DCC: variants seen among roughly 807,000 people sequenced by gnomAD.
DCC encodes netrin receptor DCC.
A neutral mutation model predicts 172.5 loss-of-function variants in DCC; 58 were observed. That is an observed-to-expected ratio of 0.34 (90% confidence interval 0.27 to 0.42). The LOEUF (loss-of-function observed/expected upper bound fraction) is 0.42, where lower values mean the gene tolerates loss of function less well. Among genes scored for constraint, DCC ranks in the 10% least tolerant of loss-of-function variants. DCC has a pLI of 1.00. For synonymous variants in DCC, 709 were observed against 644.5 expected (o/e 1.10, Z -1.52); for missense variants, 1,740 against 1,791.0 (o/e 0.97, Z 0.51).
At position 53,295,065 on chromosome 18, in the gene DCC, A is replaced by G. The variant is rs190070620; in HGVS notation, c.1912-10513A>G. 2.2e-4 allele frequency among the ~76,000 whole-genome samples: 34 copies of G among 152,290 alleles called. No individual in the cohort carries two copies. In the East Asian group the frequency reaches 6.6e-3, roughly 29 times the overall value. On this transcript the variant is annotated intron_variant, in intron 12 of 28. Transcript: ENST00000442544. ...AAAATTTTATTTAAAATCAAATATT[A>G]CCCAACGTGTACTTAAACATACTTT... is the stretch of plus-strand genomic sequence containing the variant.
chr18:52,764,884 A>C (rs2037218862), intron 2 of DCC, among the ~76,000 whole-genome samples: 1 of 152,156 alleles, frequency 6.6e-6, no homozygotes, highest in Admixed American at 6.5e-5. Flanking sequence ...CCAAAATAAC[A>C]ATTTTTCAGG....
At chr18:53,020,743 TGTAGG>T (rs1455768953) in intron 5 of DCC, among the ~76,000 whole-genome samples, 1 of 152,174 alleles carries the variant, frequency 6.6e-6, no homozygotes, top group Non-Finnish European at 1.5e-5. Context: ...GTATGAGATC[TGTAGG>T]GTATGGTGGA....
At chr18:53,226,934 G>GTGTGTGTATATATATATATA (rs34949557) in intron 12 of DCC, among the ~76,000 whole-genome samples, 1 of 68,162 alleles carries the variant, frequency 1.5e-5, no homozygotes, top group African/African-American at 6.2e-5. Context: ...GTGTGTGTGT[G>GTGTGTGTATATATATATATA]TATATATATA....
rs1171759224 is a variant in DCC, at chr18:53,435,137, T to C, written c.3164-7T>C. 4.4e-6 allele frequency: 7 copies of C among 1,606,470 alleles called. 1 individual carries two copies. In the Admixed American group the frequency reaches 6.7e-5, roughly 15 times the overall value. On this transcript the variant is annotated splice_polypyrimidine_tract_variant and splice_region_variant and intron_variant, in intron 21 of 28. Coordinates refer to ENST00000442544, the MANE Select transcript of DCC (RefSeq NM_005215.4). ...CTGACATTGTGACATGCTCTCCCAA[T>C]GAACAGGTCGTCATGGAGATGGAGG...
rs1909020164 is a variant in DCC at position 53,397,349 on chromosome 18, C to T, written c.2730C>T (p.Leu910=). The change falls in exon 18 of 29, where the codon CTC becomes CTT. Residue 910 remains leucine, a synonymous_variant. Transcript: ENST00000442544. ...CTCTAAGTTACACAGCAACAGGCCT[C>T]AAACCAAACACAATGTATGAATTCT... The part of the protein sequence containing the change: ...TTSLSYTATG[L]KPNTMYEFSV... 6.2e-7 allele frequency: 1 copy of T among 1,613,622 alleles called. No individual in the cohort carries two copies. The highest frequency in any genetic ancestry group is 8.5e-7 in the Non-Finnish European group (1 of 1,179,858).
intron 15 of DCC, among the ~76,000 whole-genome samples, chr18:53,365,014 A>G (rs546013273): frequency 6.6e-6 from 1 of 152,148 alleles, no homozygotes; most frequent in East Asian, 1.9e-4. Context: ...AAAAAGCAGC[A>G]AACTGCGCCC....
chr18:53,150,275 T>C (rs1408518345), intron 7 of DCC, among the ~76,000 whole-genome samples: 1 of 152,226 alleles, frequency 6.6e-6, no homozygotes, highest in Non-Finnish European at 1.5e-5. Context: ...TTGGCAGTAA[T>C]GCTCAGTCTT....
intron 7 of DCC, among the ~76,000 whole-genome samples, chr18:53,077,531 T>A (rs778941476): frequency 2.0e-5 from 3 of 152,316 alleles, no homozygotes; most frequent in Admixed American, 2.0e-4. Context: ...CCCCATGAAC[T>A]GATGATGGTC....
intron 5 of DCC, among the ~76,000 whole-genome samples, chr18:52,968,043 T>C (rs1185707732): frequency 6.6e-6 from 1 of 152,196 alleles, no homozygotes; most frequent in Non-Finnish European, 1.5e-5. Flanking sequence ...AATAAAGGGA[T>C]CTTGGAAAGG....
At chr18:52,599,428 A>G (rs547270560) in intron 1 of DCC, among the ~76,000 whole-genome samples, 11 of 152,216 alleles carry the variant, frequency 7.2e-5, no homozygotes, top group Non-Finnish European at 1.5e-4. Context: ...ATACAAAGGC[A>G]AGTAAATGTG....
chr18:52,386,503 T>C (rs1324121384), intron 1 of DCC, among the ~76,000 whole-genome samples: 1 of 152,064 alleles, frequency 6.6e-6, no homozygotes, highest in African/African-American at 2.4e-5. Flanking sequence ...GTTGGTCCAA[T>C]AGGCCTTTTG....
intron 1 of DCC, among the ~76,000 whole-genome samples, chr18:52,413,559 G>C (rs1437547869): frequency 2.7e-5 from 4 of 150,890 alleles, no homozygotes; most frequent in African/African-American, 9.8e-5. Context: ...GTTGAATATA[G>C]AGCAATTATT....
chr18:52,427,827 CCTTCCTTT>C (rs143831487), intron 1 of DCC, among the ~76,000 whole-genome samples: 7,635 of 83,378 alleles, frequency 0.092, 452 homozygotes, highest in Middle Eastern at 0.11. Flanking sequence ...TTCCTTCCTT[CCTTCCTTT>C]CTTCCTTCCT....
At chr18:52,857,442 T>G (rs1334267346) in intron 2 of DCC, among the ~76,000 whole-genome samples, 2 of 152,236 alleles carry the variant, frequency 1.3e-5, no homozygotes, top group Non-Finnish European at 2.9e-5. Context: ...ATGCATATTT[T>G]CTTTCTAATT....
At chr18:52,977,960 T>A (rs373239130) in intron 5 of DCC, among the ~76,000 whole-genome samples, 2 of 152,088 alleles carry the variant, frequency 1.3e-5, no homozygotes, top group African/African-American at 2.4e-5. Context: ...ACAACTCTTT[T>A]GTCTTTTGAT....
chr18:52,533,613 A>T (rs2032211466), intron 1 of DCC, among the ~76,000 whole-genome samples: 1 of 152,114 alleles, frequency 6.6e-6, no homozygotes, highest in Non-Finnish European at 1.5e-5. Context: ...TGTGACAAAT[A>T]CCACAGTTTG....
intron 14 of DCC, among the ~76,000 whole-genome samples, chr18:53,328,376 T>C (rs920078912): frequency 2.6e-5 from 4 of 152,200 alleles, no homozygotes; most frequent in Non-Finnish European, 2.9e-5. Flanking sequence ...GTTTTTCTCA[T>C]GTGTAAAGAG....
chr18:52,513,365 C>G (rs894009649), intron 1 of DCC, among the ~76,000 whole-genome samples: 1 of 152,110 alleles, frequency 6.6e-6, no homozygotes, highest in African/African-American at 2.4e-5. Flanking sequence ...AACCTAATCT[C>G]TCTGATTCTT....
At chr18:52,748,786 G>A (rs1306661967) in intron 1 of DCC, among the ~76,000 whole-genome samples, 1 of 152,222 alleles carries the variant, frequency 6.6e-6, no homozygotes, top group Non-Finnish European at 1.5e-5. Context: ...TGGGCGGAGA[G>A]GCGATCTGCA....
Sources: allele counts gnomAD v4.1 joint callset (sites outside exome capture counted in the v4.1 genomes callset), GRCh38; gene constraint gnomAD v4.1.1; transcripts MANE v1.5; gene names NCBI Gene and HGNC (gene_info 2026-07-23, HGNC 2026-07-21).